The following PALLD variants were observed in gnomAD, a reference collection of about 807,000 sequenced individuals.
The protein encoded by PALLD is palladin.
In PALLD, 61 loss-of-function variants were observed where a neutral mutation model predicts 123.5. The ratio of observed to expected loss-of-function variants is 0.49; its 90% CI spans 0.40 to 0.61. The LOEUF (loss-of-function observed/expected upper bound fraction) is 0.61, where lower values mean the gene tolerates loss of function less well. Ranked by LOEUF, PALLD falls within the 20% of genes least tolerant of loss-of-function variation. PALLD has a pLI of 0.00. For missense variants in PALLD, 1,273 were observed against 1,377.0 expected (o/e 0.92, Z 1.20); for synonymous variants, 465 against 496.4 (o/e 0.94, Z 0.84).
rs533158922 is a variant in PALLD, at chr4:168,670,434, T to A, written c.1087+2066T>A. On this transcript the variant is annotated intron_variant, in intron 3 of 21. Transcript: ENST00000505667. ...CTAACAGCAGATAAACACATTTTTT[T>A]AAAAAAAGCCGGGCGCGGGCCGGGC... is the stretch of plus-strand genomic sequence containing the variant. Among the ~76,000 whole-genome samples the A allele has an allele frequency of 5.8e-4, 89 of 152,224 alleles. 2 individuals carry two copies. The South Asian group carries it at 0.012, about 20-fold the overall frequency.
intron 2 of PALLD, among the ~76,000 whole-genome samples, chr4:168,609,604 T>A (rs1773537623): frequency 6.6e-6 from 1 of 152,126 alleles, no homozygotes; most frequent in South Asian, 2.1e-4. Context: ...CAGAGTGGCC[T>A]AGGGGCAGAG....
intron 9 of PALLD, among the ~76,000 whole-genome samples, chr4:168,710,652 G>T (rs1784746330): frequency 6.6e-6 from 1 of 152,204 alleles, no homozygotes; most frequent in Non-Finnish European, 1.5e-5. Flanking sequence ...TTCTGTGAAT[G>T]ACTACTGTAA....
At position 168,928,213 on chromosome 4, in the gene PALLD, A is replaced by T. The variant is rs1762797049; in HGVS notation, c.*2033A>T. 1 of 185,552 alleles carries T rather than the reference A, an allele frequency of 5.4e-6. No homozygotes were observed. Among genetic ancestry groups the T allele is most frequent in the Non-Finnish European group, 1.1e-5 (1 of 87,260 alleles). 11.5% of individuals were successfully genotyped at this position (185,552 alleles called of 1,614,324 possible). A position where few individuals can be genotyped will look rare whatever the true frequency, so the allele number is the denominator to read the frequency against. ...TCTCTCATGGACCTATCTCTATTGT[A>T]GAATTATGACTTATGTCTTACTTGC... is the stretch of plus-strand genomic sequence containing the variant. On this transcript the variant is annotated 3_prime_UTR_variant, in exon 22 of 22. Transcript: ENST00000505667.
chr4:168,599,822 A>G (rs1049185199), intron 2 of PALLD, among the ~76,000 whole-genome samples: 1 of 152,226 alleles, frequency 6.6e-6, no homozygotes, highest in South Asian at 2.1e-4. Context: ...AAATCTTTCT[A>G]TGTATGTAAC....
Position 168,628,793 on chromosome 4 carries a change from C to T in PALLD, c.909-39397C>T, listed in dbSNP as rs149573911. Reference sequence around the variant, plus strand: ...GTATGTTTGTTTTCTGCCTAATGTGCCCCTTGCCCAAGATATAAATGCCAA... The same window carrying T: ...GTATGTTTGTTTTCTGCCTAATGTGTCCCTTGCCCAAGATATAAATGCCAA... On this transcript the variant is annotated intron_variant, in intron 2 of 21. Coordinates refer to ENST00000505667, the MANE Select transcript of PALLD (RefSeq NM_001166108.2). Among the ~76,000 whole-genome samples, 190 of 152,292 alleles carry T rather than the reference C, an allele frequency of 1.2e-3. 1 individual carries two copies. Among genetic ancestry groups the T allele is most frequent in the African/African-American group, 4.4e-3 (184 of 41,548 alleles).
At chr4:168,697,037 A>G (rs1348838485) in intron 8 of PALLD, among the ~76,000 whole-genome samples, 1 of 152,198 alleles carries the variant, frequency 6.6e-6, no homozygotes, top group African/African-American at 2.4e-5. Flanking sequence ...CAGGACAAGG[A>G]GATCATGTTA....
intron 8 of PALLD, among the ~76,000 whole-genome samples, chr4:168,704,409 C>T (rs551653203): frequency 1.3e-5 from 2 of 152,208 alleles, no homozygotes; most frequent in South Asian, 4.2e-4. Flanking sequence ...CGGTGGCTCA[C>T]GCCTGTAATC....
At chr4:168,902,664 C>T (rs993858995) in intron 14 of PALLD, among the ~76,000 whole-genome samples, 2 of 152,056 alleles carry the variant, frequency 1.3e-5, no homozygotes, top group African/African-American at 4.8e-5. Context: ...CAAAACAAAA[C>T]CTTAGAACTC....
At chr4:168,858,260 AG>A (rs1386098807) in intron 10 of PALLD, among the ~76,000 whole-genome samples, 3 of 152,198 alleles carry the variant, frequency 2.0e-5, no homozygotes, top group African/African-American at 7.2e-5. Flanking sequence ...TTAGTACATC[AG>A]GGGTCATTTT....
chr4:168,598,225 A>G (rs2149712491), intron 2 of PALLD: 2 of 384,138 alleles, frequency 5.2e-6, no homozygotes, highest in Middle Eastern at 2.1e-3. Context: ...CAGCCTCCAA[A>G]CACCAGAAAA....
At chr4:168,913,701 C>A (rs1442987094) in intron 15 of PALLD, among the ~76,000 whole-genome samples, 1 of 151,406 alleles carries the variant, frequency 6.6e-6, no homozygotes, top group East Asian at 1.9e-4. Context: ...TTAAGAGTTC[C>A]AAAAAAAGAC....
chr4:168,578,450 G>A (rs368286220), intron 2 of PALLD, among the ~76,000 whole-genome samples: 1 of 151,922 alleles, frequency 6.6e-6, no homozygotes, highest in African/African-American at 2.4e-5. Flanking sequence ...CCCCTTTTGC[G>A]CGGTACTGCT....
At chr4:168,698,193 A>G (rs1162346074) in intron 8 of PALLD, among the ~76,000 whole-genome samples, 1 of 152,178 alleles carries the variant, frequency 6.6e-6, no homozygotes, top group Non-Finnish European at 1.5e-5. Flanking sequence ...TGGCTACCAG[A>G]GGCTGGGAGG....
intron 5 of PALLD, among the ~76,000 whole-genome samples, 187 bp from the exon 6 acceptor site, chr4:168,685,298 A>G (rs1781924663): frequency 1.3e-5 from 2 of 152,236 alleles, no homozygotes; most frequent in South Asian, 4.1e-4. Context: ...GAAGAGTAAC[A>G]GATGTGAAAT....
rs11338063 is a variant in PALLD at position 168,855,089 on chromosome 4, CTTTT to C, written c.1965-35816_1965-35813del. On this transcript the variant is annotated intron_variant, in intron 10 of 21. Transcript: ENST00000505667. ...TGGGATAATGCTGAGAAGGAATGTT[CTTTT>C]TTTTTTTTTTTTTTTTGAGACGGAG... Among the ~76,000 whole-genome samples, 16 of 103,960 alleles carry C rather than the reference CTTTT, an allele frequency of 1.5e-4. No individual in the cohort carries two copies. The East Asian group carries it at 4.1e-3, about 27-fold the overall frequency. The allele number at this position is 103,960 out of a possible 152,430, so 68.2% of individuals were successfully genotyped here. A position where few individuals can be genotyped will look rare whatever the true frequency, so the allele number is the denominator to read the frequency against.
intron 2 of PALLD, among the ~76,000 whole-genome samples, chr4:168,514,959 T>A (rs1762857754): frequency 6.6e-6 from 1 of 152,190 alleles, no homozygotes; most frequent in Admixed American, 6.5e-5. Flanking sequence ...GTATCTGCAG[T>A]ATTATTAACT....
chr4:168,797,358 T>C (rs1262574853), intron 10 of PALLD, among the ~76,000 whole-genome samples: 1 of 152,080 alleles, frequency 6.6e-6, no homozygotes, highest in Non-Finnish European at 1.5e-5. Context: ...AAGTTGAGTA[T>C]ATTTAGACCA....
intron 10 of PALLD, among the ~76,000 whole-genome samples, chr4:168,732,813 C>T (rs1157217259): frequency 6.6e-6 from 1 of 152,118 alleles, no homozygotes; most frequent in Non-Finnish European, 1.5e-5. Context: ...TAGTCTATTC[C>T]TCACAACTCA....
intron 2 of PALLD, among the ~76,000 whole-genome samples, chr4:168,626,970 T>C (rs752228694): frequency 6.6e-6 from 1 of 152,294 alleles, no homozygotes; most frequent in African/African-American, 2.4e-5. Flanking sequence ...AGTCATTCAA[T>C]AGGTACAGCA....
Sources: allele counts gnomAD v4.1 joint callset (sites outside exome capture counted in the v4.1 genomes callset), GRCh38; gene constraint gnomAD v4.1.1; transcripts MANE v1.5; gene names NCBI Gene and HGNC (gene_info 2026-07-23, HGNC 2026-07-21).